Variants in FEZ2 observed in about 807,000 individuals in gnomAD.
FEZ2 encodes the protein fasciculation and elongation protein zeta-2.
FEZ2 carries 51 observed loss-of-function variants against 40.4 expected under a neutral mutation model. The ratio of observed to expected loss-of-function variants is 1.26; its 90% confidence interval spans 1.01 to 1.59. The LOEUF is 1.59. Ranked by LOEUF, FEZ2 falls within the 40% of genes most tolerant of loss-of-function variation. FEZ2 has a pLI of 0.00. For synonymous variants in FEZ2, 242 were observed against 172.0 expected, an observed-to-expected ratio of 1.41 and a Z score of -3.18; for missense variants, 640 against 438.3, an observed-to-expected ratio of 1.46 and a Z score of -4.11.
Position 36,583,299 on chromosome 2 carries a change from G to A in FEZ2, c.492+54C>T, listed in dbSNP as rs145351287. The A allele has an allele frequency of 3.1e-5, 29 of 923,624 alleles. 1 individual carries two copies. The highest frequency in any genetic ancestry group is 1.5e-4 in the African/African-American group (9 of 60,632). 57.2% of individuals were successfully genotyped at this position (923,624 alleles called of 1,614,324 possible). A position where few individuals can be genotyped will look rare whatever the true frequency, so the allele number is the denominator to read the frequency against. Reference sequence around the variant, plus strand: ...TCATTTACTGTCATAACAAGAAGCCGTTTTTCAGCTCTAGAGTCTCCTTTC... The same window carrying A: ...TCATTTACTGTCATAACAAGAAGCCATTTTTCAGCTCTAGAGTCTCCTTTC... On this transcript the variant is annotated intron_variant, in intron 3 of 7. Coordinates refer to ENST00000405912, the MANE Select transcript of FEZ2 (RefSeq NM_005102.3).
At chr2:36,589,125 T>C (rs911374915) in intron 2 of FEZ2, among the ~76,000 whole-genome samples, 1 of 152,230 alleles carries the variant, frequency 6.6e-6, no homozygotes, top group Non-Finnish European at 1.5e-5. Flanking sequence ...AAACTTACTA[T>C]GTGCCAGGAA....
intron 4 of FEZ2, among the ~76,000 whole-genome samples, chr2:36,579,305 G>C (rs1326242053): frequency 6.6e-6 from 1 of 152,194 alleles, no homozygotes; most frequent in East Asian, 1.9e-4. Context: ...TGATCTGAAA[G>C]AATTAAACTA....
intron 5 of FEZ2, among the ~76,000 whole-genome samples, chr2:36,568,318 T>C (rs1275981576): frequency 6.6e-6 from 1 of 152,090 alleles, no homozygotes; most frequent in East Asian, 1.9e-4. Flanking sequence ...CTGAATGAAA[T>C]GAAGGACATT....
chr2:36,557,592 C>T (rs1667989535), intron 6 of FEZ2: 1 of 152,122 alleles, frequency 6.6e-6, no homozygotes, highest in South Asian at 2.1e-4. Flanking sequence ...AAAGACCTAA[C>T]AGATCAGCAA....
chr2:36,558,817 T>A (rs1668021190), intron 5 of FEZ2: 1 of 203,074 alleles, frequency 4.9e-6, no homozygotes, highest in African/African-American at 2.3e-5. Flanking sequence ...TTTGTTCATT[T>A]TTAAAGTGAA....
intron 6 of FEZ2, chr2:36,556,616 C>G (rs919364736): frequency 5.3e-5 from 8 of 152,292 alleles, no homozygotes; most frequent in African/African-American, 1.9e-4. Context: ...TGACGCTGAG[C>G]AAGCTACTTA....
chr2:36,583,246 AT>A, intron 3 of FEZ2, 106 bp downstream of exon 3: 2 of 662,690 alleles, frequency 3.0e-6, no homozygotes, highest in Middle Eastern at 5.0e-4. Context: ...CCAGAAAAAA[AT>A]AGGAAAGATA....
intron 5 of FEZ2, chr2:36,560,816 T>A: frequency 6.2e-7 from 1 of 1,611,444 alleles, no homozygotes; most frequent in Non-Finnish European, 8.5e-7. Flanking sequence ...TCCAAAGGTG[T>A]GGCGGAGGCC....
At chr2:36,578,515 G>A (rs994575959) in intron 5 of FEZ2, 82 bp downstream of exon 5, 28 of 1,436,654 alleles carry the variant, frequency 1.9e-5, no homozygotes, top group South Asian at 6.8e-5. Context: ...ACAACCTGTC[G>A]CACCTGCCAC....
intron 5 of FEZ2, among the ~76,000 whole-genome samples, chr2:36,567,023 T>A (rs1380564714): frequency 6.6e-6 from 1 of 152,158 alleles, no homozygotes; most frequent in South Asian, 2.1e-4. Flanking sequence ...CACAGCCAGA[T>A]GATACATTCA....
intron 4 of FEZ2, 176 bp from the exon 5 acceptor site, chr2:36,579,041 T>C: frequency 1.7e-6 from 1 of 600,938 alleles, no homozygotes; most frequent in Non-Finnish European, 2.9e-6. Flanking sequence ...TTCTACAACT[T>C]CTGGAGATCA....
chr2:36,570,503 G>C (rs1668377451), intron 5 of FEZ2, among the ~76,000 whole-genome samples: 1 of 151,984 alleles, frequency 6.6e-6, no homozygotes, highest in South Asian at 2.1e-4. Flanking sequence ...ATTGATCTTG[G>C]CAATTTTAGA....
intron 5 of FEZ2, among the ~76,000 whole-genome samples, chr2:36,573,909 T>C (rs1668491089): frequency 6.6e-6 from 1 of 152,232 alleles, no homozygotes; most frequent in Non-Finnish European, 1.5e-5. Flanking sequence ...GCTACACTTC[T>C]ACACAATAAT....
intron 4 of FEZ2, among the ~76,000 whole-genome samples, chr2:36,579,757 A>G (rs946535279): frequency 6.6e-6 from 1 of 152,198 alleles, no homozygotes; most frequent in East Asian, 1.9e-4. Context: ...GAATGGACTA[A>G]AAAAACTGGG....
intron 7 of FEZ2, 150 bp from the exon 8 acceptor site, chr2:36,553,329 A>G (rs899949014): frequency 2.6e-5 from 17 of 642,678 alleles, no homozygotes; most frequent in African/African-American, 2.4e-4. Context: ...TAAAGGTTTT[A>G]AGAGGCTATA....
intron 5 of FEZ2, among the ~76,000 whole-genome samples, chr2:36,573,524 T>G (rs543015789): frequency 6.6e-6 from 1 of 152,256 alleles, no homozygotes; most frequent in South Asian, 2.1e-4. Flanking sequence ...TCCTCCGGGA[T>G]TCAATCTCCT....
At chr2:36,595,480 G>C (rs535434463) in intron 1 of FEZ2, among the ~76,000 whole-genome samples, 2 of 152,260 alleles carry the variant, frequency 1.3e-5, no homozygotes, top group African/African-American at 4.8e-5. Context: ...TGGCTGATCT[G>C]ACAGGAGGTG....
At chr2:36,560,252 T>A (rs1254619042) in intron 5 of FEZ2, among the ~76,000 whole-genome samples, 1 of 152,246 alleles carries the variant, frequency 6.6e-6, no homozygotes, top group South Asian at 2.1e-4. Context: ...TAATGTCGCA[T>A]GCCTCGTTTG....
At chr2:36,577,261 CTTT>C (rs869150145) in intron 5 of FEZ2, among the ~76,000 whole-genome samples, 2 of 143,582 alleles carry the variant, frequency 1.4e-5, no homozygotes. Context: ...AAGCAATGTC[CTTT>C]TTTTTTTTTT....
Sources: gnomAD v4.1 joint callset for allele counts (sites outside exome capture counted in the v4.1 genomes callset) on GRCh38, gnomAD v4.1.1 for gene constraint, MANE v1.5 for transcripts, NCBI Gene and HGNC (gene_info 2026-07-23, HGNC 2026-07-21) for gene names.